ABHD6: variants seen among roughly 807,000 people sequenced by gnomAD.
ABHD6 encodes the protein abhydrolase domain containing 6, acylglycerol lipase.
ABHD6 carries 33 observed loss-of-function variants against 38.8 expected under a neutral mutation model. That is an observed-to-expected ratio of 0.85 (90% CI 0.64 to 1.14). The LOEUF (loss-of-function observed/expected upper bound fraction) is 1.14, where lower values mean the gene tolerates loss of function less well. Among genes scored for constraint, ABHD6 ranks in the 50% most tolerant of loss-of-function variants. The pLI is 0.00. For missense variants in ABHD6, 380 were observed against 422.6 expected, an observed-to-expected ratio of 0.90 and a Z score of 0.88; for synonymous variants, 147 against 161.6, an observed-to-expected ratio of 0.91 and a Z score of 0.69.
In ABHD6 at chr3:58,285,126, C is replaced by A. The variant is rs984110597; in HGVS notation, c.723C>A (p.Asn241Lys). ...TCGATGTCCGCATCCCTCATAACAA[C>A]TTCTACCGAAAGTGTAAGTAGCCCT... ...GLVDVRIPHN[N>K]FYRKLFLEIV... Residue 241 changes from asparagine (N) to lysine (K), a missense_variant, in exon 8 of 10, where the codon AAC becomes AAA. By Grantham distance (94) the Asn-to-Lys change is moderately conservative. Coordinates refer to ENST00000478253, the MANE Select transcript of ABHD6 (RefSeq NM_001320126.2). This position sits in a 1 kb window ranked among gnomAD's most constrained non-coding sequence, Gnocchi z 4.9. 2.5e-6 allele frequency: 4 copies of A among 1,614,054 alleles called. No individual in the cohort carries two copies. The Admixed American group carries it at 5.0e-5, about 20-fold the overall frequency.
At chr3:58,290,288 C>G in intron 9 of ABHD6, among the ~76,000 whole-genome samples, 1 of 121,158 alleles carries the variant, frequency 8.3e-6, no homozygotes, top group African/African-American at 3.1e-5. Context: ...GCTGGCCGGG[C>G]GGGGGGCTGA....
intron 9 of ABHD6, among the ~76,000 whole-genome samples, chr3:58,291,391 T>TGGGGAG (rs1206495786): frequency 6.6e-6 from 1 of 150,960 alleles, no homozygotes; most frequent in African/African-American, 2.4e-5. Context: ...AGGGAGACCG[T>TGGGGAG]GGGGAGAGGG....
At chr3:58,261,135 A>G (rs770310371) in intron 3 of ABHD6, among the ~76,000 whole-genome samples, 2 of 152,184 alleles carry the variant, frequency 1.3e-5, no homozygotes, top group Non-Finnish European at 2.9e-5. Flanking sequence ...ATTTTCTAAG[A>G]TTTTTGTTTT....
Position 58,259,928 on chromosome 3 carries a change from C to T in ABHD6, c.119+3223C>T, listed in dbSNP as rs9848073. 0.73 allele frequency among the ~76,000 whole-genome samples: 111,224 copies of T among 152,124 alleles called. 41,785 individuals carry two copies. Among genetic ancestry groups the T allele is most frequent in the East Asian group, 1 (5,167 of 5,184 alleles). On this transcript the variant is annotated intron_variant, in intron 3 of 9. Transcript: ENST00000478253. The surrounding 1 kb of genome is among the most constrained non-coding windows in gnomAD (Gnocchi z 4.7). Reference sequence around the variant, plus strand: ...GCCCATTACGGACATTTCACGTAAACGGGGTTATACATGTGTGACCTTTGT... The same window carrying T: ...GCCCATTACGGACATTTCACGTAAATGGGGTTATACATGTGTGACCTTTGT...
In ABHD6 at chr3:58,248,763, T is replaced by C. The variant is rs2097428093; in HGVS notation, c.-90-1115T>C. Among the ~76,000 whole-genome samples the C allele has an allele frequency of 2.0e-5, 3 of 152,226 alleles. No homozygotes were observed. The South Asian group carries it at 6.2e-4, about 32-fold the overall frequency. Reference sequence around the variant, plus strand: ...TATGTGCATTTTACGTAGCCACAGATTTTGCCAAATTGCAATCTGTAGAGT... The same window carrying C: ...TATGTGCATTTTACGTAGCCACAGACTTTGCCAAATTGCAATCTGTAGAGT... On this transcript the variant is annotated intron_variant, in intron 1 of 9. Transcript: ENST00000478253.
chr3:58,247,526 T>C (rs1315731485), intron 1 of ABHD6, among the ~76,000 whole-genome samples: 1 of 152,204 alleles, frequency 6.6e-6, no homozygotes, highest in Non-Finnish European at 1.5e-5. Context: ...ACAATACAGA[T>C]GGACTACTTT....
chr3:58,281,395 A>G (rs974867070), intron 7 of ABHD6, among the ~76,000 whole-genome samples: 1 of 152,144 alleles, frequency 6.6e-6, no homozygotes, highest in African/African-American at 2.4e-5. Context: ...CCTGGGACCC[A>G]CCGAGCCAGG....
intron 1 of ABHD6, among the ~76,000 whole-genome samples, chr3:58,240,556 T>G (rs2097422079): frequency 6.6e-6 from 1 of 152,102 alleles, no homozygotes; most frequent in Non-Finnish European, 1.5e-5. Flanking sequence ...TTCTCCTATT[T>G]GAGTCTTAAA....
intron 2 of ABHD6, among the ~76,000 whole-genome samples, chr3:58,250,872 A>G (rs1351962544): frequency 2.0e-5 from 3 of 152,170 alleles, no homozygotes; most frequent in African/African-American, 7.2e-5. Context: ...TTAAATTGCC[A>G]TATATCAGGC....
intron 4 of ABHD6, among the ~76,000 whole-genome samples, chr3:58,268,079 A>T (rs1221152991): frequency 6.6e-6 from 1 of 151,876 alleles, no homozygotes; most frequent in Non-Finnish European, 1.5e-5. Context: ...CTGTCTCAAA[A>T]CAAACAAACA....
chr3:58,256,806 T>G lies in ABHD6; in HGVS notation c.119+101T>G. 1.0e-6 allele frequency: 1 copy of G among 996,182 alleles called. No individual in the cohort carries two copies. Among genetic ancestry groups the G allele is most frequent in the Non-Finnish European group, 1.5e-6 (1 of 658,924 alleles). 61.7% of individuals were successfully genotyped at this position (996,182 alleles called of 1,614,324 possible). A position where few individuals can be genotyped will look rare whatever the true frequency, so the allele number is the denominator to read the frequency against. On this transcript the variant is annotated intron_variant, in intron 3 of 9. Transcript: ENST00000478253. This position sits in a 1 kb window ranked among gnomAD's most constrained non-coding sequence, Gnocchi z 4.3. The stretch of plus-strand genomic sequence containing the variant: ...TATTGTCCAACATTTTATCAGGAAG[T>G]ATTTCAGACAGAGAGAAAAGTTGAA...
rs2097462254 is a variant in ABHD6 at position 58,290,970 on chromosome 3, A to G, written c.838-2619A>G. ...GGCAGAGACGCTCCTCGCTTCCTAG[A>G]TGGGGTGGCGGCCGGGCAGAGGCTG... On this transcript the variant is annotated intron_variant, in intron 9 of 9. Coordinates refer to ENST00000478253, the MANE Select transcript of ABHD6 (RefSeq NM_001320126.2). 3.3e-5 allele frequency among the ~76,000 whole-genome samples: 5 copies of G among 152,048 alleles called. No individual in the cohort carries two copies. In the South Asian group the frequency reaches 1.0e-3, roughly 32 times the overall value.
At chr3:58,291,555 A>G (rs1338594648) in intron 9 of ABHD6, among the ~76,000 whole-genome samples, 1 of 152,186 alleles carries the variant, frequency 6.6e-6, no homozygotes, top group East Asian at 1.9e-4. Flanking sequence ...CACCACACCC[A>G]GCCCAGGAAA....
At position 58,256,473 on chromosome 3, in the gene ABHD6, G is replaced by T; in HGVS notation, c.-25-89G>T. 2.6e-6 allele frequency: 2 copies of T among 757,940 alleles called. No individual in the cohort carries two copies. The highest frequency in any genetic ancestry group is 2.7e-5 in the Admixed American group (1 of 37,430). 47.0% of individuals were successfully genotyped at this position (757,940 alleles called of 1,614,324 possible). A position where few individuals can be genotyped will look rare whatever the true frequency, so the allele number is the denominator to read the frequency against. On this transcript the variant is annotated intron_variant, in intron 2 of 9. Transcript: ENST00000478253. This position sits in a 1 kb window ranked among gnomAD's most constrained non-coding sequence, Gnocchi z 4.3. ...CTCCTGTTCTTTACCCTCACTCTGG[G>T]AACTTCACTTTTCTTGTCCCCTTTA...
intron 9 of ABHD6, among the ~76,000 whole-genome samples, chr3:58,291,870 A>G (rs1196949565): frequency 6.6e-6 from 1 of 152,114 alleles, no homozygotes; most frequent in East Asian, 1.9e-4. Flanking sequence ...GGATCACTTG[A>G]GCCCGGGAGG....
At chr3:58,239,139 C>G (rs2097421115) in intron 1 of ABHD6, among the ~76,000 whole-genome samples, 2 of 151,768 alleles carry the variant, frequency 1.3e-5, no homozygotes, top group Admixed American at 1.3e-4. Context: ...AACCCGACCT[C>G]GAACCACTAG....
intron 1 of ABHD6, among the ~76,000 whole-genome samples, chr3:58,240,430 A>C (rs1343731613): frequency 6.6e-6 from 1 of 151,910 alleles, no homozygotes; most frequent in Non-Finnish European, 1.5e-5. Context: ...GATTAGATCA[A>C]TTATTACCGT....
At position 58,238,983 on chromosome 3, in the gene ABHD6, T is replaced by C. The variant is rs1385010143; in HGVS notation, c.-91+1067T>C. Among the ~76,000 whole-genome samples the C allele has an allele frequency of 6.6e-6, 1 of 152,084 alleles. No individual in the cohort carries two copies. Among genetic ancestry groups the C allele is most frequent in the Non-Finnish European group, 1.5e-5 (1 of 68,008 alleles). ...AGCCCCTTAAAAGAATTACCTGCCATACTTTCCCCAACAGCCCCTTGAGGT... is the reference window on the plus strand; with the variant it reads ...AGCCCCTTAAAAGAATTACCTGCCACACTTTCCCCAACAGCCCCTTGAGGT... On this transcript the variant is annotated intron_variant, in intron 1 of 9. Transcript: ENST00000478253. The surrounding 1 kb of genome is among the most constrained non-coding windows in gnomAD (Gnocchi z 6.9).
intron 9 of ABHD6, among the ~76,000 whole-genome samples, chr3:58,288,014 A>C (rs917159272): frequency 6.6e-6 from 1 of 152,166 alleles, no homozygotes; most frequent in African/African-American, 2.4e-5. Flanking sequence ...GCATGGTCCA[A>C]ATTTTTTTCC....
Sources: gnomAD v4.1 joint callset for allele counts (sites outside exome capture counted in the v4.1 genomes callset) on GRCh38, gnomAD v4.1.1 for gene constraint, Gnocchi (gnomAD v3.1) non-coding constraint, MANE v1.5 for transcripts, NCBI Gene and HGNC (gene_info 2026-07-23, HGNC 2026-07-21) for gene names.